Variants in KASH5 observed in about 807,000 individuals in gnomAD.
The protein encoded by KASH5 is KASH domain containing 5, also known as protein KASH5.
KASH5 carries 72 observed loss-of-function variants against 84.2 expected under a neutral mutation model. That is an observed-to-expected ratio of 0.85 (90% CI 0.71 to 1.04). KASH5 has a LOEUF of 1.04. KASH5 is among the 50% of genes least tolerant of loss of function. The probability of loss-of-function intolerance (pLI) is 0.00; values close to 1 mark genes in which losing one functional copy is unlikely to be tolerated. For synonymous variants in KASH5, 260 were observed against 279.1 expected, an observed-to-expected ratio of 0.93 and a Z score of 0.68; for missense variants, 650 against 701.0, an observed-to-expected ratio of 0.93 and a Z score of 0.82.
intron 9 of KASH5, among the ~76,000 whole-genome samples, chr19:49,401,658 AC>A (rs895718975): frequency 2.6e-5 from 4 of 151,614 alleles, no homozygotes; most frequent in African/African-American, 9.7e-5. Flanking sequence ...TTAGGGGAAA[AC>A]TCTGGGCTCA....
rs869199643 is a variant in KASH5, at chr19:49,396,243, C to CT, written c.400+437dup. Among the ~76,000 whole-genome samples, 23 of 35,918 alleles carry CT rather than the reference C, an allele frequency of 6.4e-4. 1 individual carries two copies. The highest frequency in any genetic ancestry group is 1.4e-3 in the Admixed American group (5 of 3,680). The allele number at this position is 35,918 out of a possible 152,430, so 23.6% of individuals were successfully genotyped here. On this transcript the variant is annotated intron_variant, in intron 5 of 19. Coordinates refer to ENST00000447857, the MANE Select transcript of KASH5 (RefSeq NM_144688.5). ...ACTCCTTGCTCCCCACCCTGCTGGA[C>CT]TTTTTTTTTTTTTTTTTTTTTTTTT... is the stretch of plus-strand genomic sequence containing the variant.
Position 49,412,460 on chromosome 19 carries a change from G to A in KASH5, c.1270-508G>A, listed in dbSNP as rs568761374. On this transcript the variant is annotated intron_variant, in intron 15 of 19. Transcript: ENST00000447857. The surrounding 1 kb of genome is among the most constrained non-coding windows in gnomAD (Gnocchi z 4.6). ...AGTTGGGTGCACCATCCTGGAGCTC[G>A]AGGATTGCGTTTAGAAAACAATGGC... 1.3e-5 allele frequency among the ~76,000 whole-genome samples: 2 copies of A among 152,298 alleles called. No homozygotes were observed. Among genetic ancestry groups the A allele is most frequent in the Admixed American group, 6.5e-5 (1 of 15,304 alleles).
chr19:49,411,719 G>A (rs1246250306), intron 15 of KASH5, among the ~76,000 whole-genome samples: 2 of 152,184 alleles, frequency 1.3e-5, no homozygotes, highest in African/African-American at 2.4e-5. Flanking sequence ...AGTGCTCAAG[G>A]CCTGATAGGA....
rs1030849089 is a variant in KASH5, at chr19:49,409,871, G to A, written c.1265G>A (p.Gly422Glu). 9.3e-6 allele frequency: 15 copies of A among 1,613,436 alleles called. No homozygotes were observed. In the African/African-American group the frequency reaches 1.6e-4, roughly 17 times the overall value. ...TEFPSEAPAG[G>E]QRNFQGEPAH... Reference sequence around the variant, plus strand: ...TTTCCATCTGAAGCCCCAGCTGGGGGACAGGTGAGCACAGGAAAAGCTCTG... The same window carrying A: ...TTTCCATCTGAAGCCCCAGCTGGGGAACAGGTGAGCACAGGAAAAGCTCTG... Residue 422 changes from glycine to glutamate, a missense_variant, in exon 15 of 20, where the codon GGA becomes GAA. Coordinates refer to ENST00000447857, the MANE Select transcript of KASH5 (RefSeq NM_144688.5).
intron 5 of KASH5, among the ~76,000 whole-genome samples, chr19:49,397,204 C>T (rs1438065742): frequency 6.6e-6 from 1 of 151,904 alleles, no homozygotes; most frequent in Admixed American, 6.6e-5. Flanking sequence ...GCCAGAAGGC[C>T]AGAGAAGAGG....
Position 49,409,681 on chromosome 19 carries a change from T to C in KASH5, c.1147-72T>C. The C allele has an allele frequency of 2.5e-6, 4 of 1,594,860 alleles. No homozygotes were observed. In the South Asian group the frequency reaches 4.4e-5, roughly 18 times the overall value. ...CTATTTTCAGCCGCACACCTAAACC[T>C]ATTTCTATCTCTGACCTTGTTTTCT... On this transcript the variant is annotated intron_variant, in intron 14 of 19. Transcript: ENST00000447857.
chr19:49,395,420 A>C lies in KASH5; in HGVS notation c.335+128A>C. ...TGTTTGGAATGAGGCTGTGGAGAGA[A>C]AAATGAAGAGACGGGATTCAGAGGG... On this transcript the variant is annotated intron_variant, in intron 4 of 19. Transcript: ENST00000447857. The surrounding 1 kb of genome is among the most constrained non-coding windows in gnomAD (Gnocchi z 4.4). 2.0e-6 allele frequency: 2 copies of C among 1,021,966 alleles called. No homozygotes were observed. The highest frequency in any genetic ancestry group is 2.9e-5 in the South Asian group (2 of 67,866). The allele number at this position is 1,021,966 out of a possible 1,614,324, so 63.3% of individuals were successfully genotyped here.
chr19:49,408,831 G>A (rs1974615679), intron 12 of KASH5, 136 bp from the exon 13 acceptor site: 2 of 764,028 alleles, frequency 2.6e-6, no homozygotes, highest in Non-Finnish European at 2.2e-6. Context: ...TCTTCCCCTT[G>A]TCCCTAGGCA....
intron 3 of KASH5, 176 bp downstream of exon 3, chr19:49,394,756 G>C (rs1213517821): frequency 1.7e-6 from 1 of 603,348 alleles, no homozygotes. Context: ...TGGGGTGAAG[G>C]CCTTTTAGAA....
chr19:49,401,883 C>T (rs1417103738), intron 9 of KASH5, among the ~76,000 whole-genome samples: 1 of 152,212 alleles, frequency 6.6e-6, no homozygotes, highest in South Asian at 2.1e-4. Context: ...AGCAGGATGG[C>T]TGTACCATGT....
In KASH5 at chr19:49,395,303, A is replaced by C; in HGVS notation, c.335+11A>C. On this transcript the variant is annotated intron_variant, in intron 4 of 19. Transcript: ENST00000447857. The surrounding 1 kb of genome is among the most constrained non-coding windows in gnomAD (Gnocchi z 4.4). ...CTGTCAACTACATGGGTGAGTCCCC[A>C]CATCTTCATCCTCCTCTGGGAAGTC... 6.2e-7 allele frequency: 1 copy of C among 1,609,622 alleles called. No individual in the cohort carries two copies. Among genetic ancestry groups the C allele is most frequent in the Non-Finnish European group, 8.5e-7 (1 of 1,178,540 alleles).
At chr19:49,397,913 A>T in intron 6 of KASH5, 69 bp from the exon 7 acceptor site, 1 of 1,556,756 alleles carries the variant, frequency 6.4e-7, no homozygotes, top group African/African-American at 1.4e-5. Flanking sequence ...CACCACCAGC[A>T]CCTACCTCGA....
At chr19:49,407,167 G>C in intron 10 of KASH5, 73 bp from the exon 11 acceptor site, 1 of 1,548,218 alleles carries the variant, frequency 6.5e-7, no homozygotes. Context: ...GAGAACAGGT[G>C]GGGCCAGGTG....
At chr19:49,411,837 G>A (rs534882147) in intron 15 of KASH5, among the ~76,000 whole-genome samples, 2 of 151,856 alleles carry the variant, frequency 1.3e-5, no homozygotes, top group Non-Finnish European at 2.9e-5. Context: ...GTCAGAGATT[G>A]GGGAAGATAT....
intron 5 of KASH5, among the ~76,000 whole-genome samples, chr19:49,397,056 TAA>T (rs78548512): frequency 2.4e-4 from 33 of 135,888 alleles, no homozygotes; most frequent in African/African-American, 1.9e-4. Flanking sequence ...TCCTGTCTTT[TAA>T]AAAAAAAAAA....
At chr19:49,407,212 A>C in intron 10 of KASH5, 28 bp from the exon 11 acceptor site, 1 of 1,611,938 alleles carries the variant, frequency 6.2e-7, no homozygotes, top group Non-Finnish European at 8.5e-7. Flanking sequence ...GGGAGGCTGG[A>C]TGGATGGACC....
intron 5 of KASH5, among the ~76,000 whole-genome samples, chr19:49,396,780 C>G (rs939946250): frequency 5.3e-5 from 8 of 150,644 alleles, no homozygotes; most frequent in Admixed American, 5.3e-4. Context: ...AAAAAGTGGT[C>G]ATGATTACAG....
In KASH5 at chr19:49,417,128, C is replaced by G; in HGVS notation, c.1440-31C>G. ...GAGGGACACTGGGGCAAGGAAAAAC[C>G]CAGTGGTGATTCCCTCCTTCACCCC... On this transcript the variant is annotated intron_variant, in intron 18 of 19. Coordinates refer to ENST00000447857, the MANE Select transcript of KASH5 (RefSeq NM_144688.5). The surrounding 1 kb of genome is among the most constrained non-coding windows in gnomAD (Gnocchi z 5.2). 6.2e-7 allele frequency: 1 copy of G among 1,611,016 alleles called. No individual in the cohort carries two copies.
At chr19:49,406,655 G>A (rs982925007) in intron 9 of KASH5, among the ~76,000 whole-genome samples, 10 of 152,276 alleles carry the variant, frequency 6.6e-5, no homozygotes, top group African/African-American at 1.9e-4. Context: ...GATTACAGGC[G>A]TGAGCCACTG....
Sources: gnomAD v4.1 joint callset for allele counts (sites outside exome capture counted in the v4.1 genomes callset) on GRCh38, gnomAD v4.1.1 for gene constraint, Gnocchi (gnomAD v3.1) non-coding constraint, MANE v1.5 for transcripts, NCBI Gene and HGNC (gene_info 2026-07-23, HGNC 2026-07-21) for gene names.